DTNA: variants seen among roughly 807,000 people sequenced by gnomAD.
DTNA encodes dystrophin-related protein 3.
DTNA carries 43 observed loss-of-function variants against 100.7 expected under a neutral mutation model. The ratio of observed to expected loss-of-function variants is 0.43; its 90% CI spans 0.33 to 0.55. The LOEUF is 0.55. DTNA is among the 20% of genes least tolerant of loss of function. DTNA has a pLI of 0.04. For missense variants in DTNA, 798 were observed against 953.9 expected (o/e 0.84, Z 2.15); for synonymous variants, 349 against 347.9 (o/e 1.00, Z -0.04).
At chr18:34,532,764 A>T (rs938662133) in intron 1 of DTNA, among the ~76,000 whole-genome samples, 1 of 51,536 alleles carries the variant, frequency 1.9e-5, no homozygotes, top group Admixed American at 2.7e-4. Context: ...ACATATATAT[A>T]TATATATGTG....
chr18:34,890,332 C>A lies in DTNA; in HGVS notation c.*2598C>A. 2 of 1,536,086 alleles carry A rather than the reference C, an allele frequency of 1.3e-6. No homozygotes were observed. Among genetic ancestry groups the A allele is most frequent in the Non-Finnish European group, 1.7e-6 (2 of 1,146,902 alleles). ...TCAGCACTGAGACCAGACTCGAGCA[C>A]CCCTGTCCTGTAAGCGAGACAAAAT... On this transcript the variant is annotated 3_prime_UTR_variant, in exon 23 of 23. Transcript: ENST00000444659.
At chr18:34,592,137 C>T (rs1473423899) in intron 1 of DTNA, among the ~76,000 whole-genome samples, 1 of 152,142 alleles carries the variant, frequency 6.6e-6, no homozygotes, top group African/African-American at 2.4e-5. Flanking sequence ...TTGGCAGCCA[C>T]AGCTAGCTGA....
In DTNA at chr18:34,540,093, A is replaced by T. The variant is rs917469471; in HGVS notation, c.-2+46579A>T. ...CAGATATTAATATTAAATCTCTTTAAGCTTTTTATTTAATAAATCACCTTC... is the reference window on the plus strand; with the variant it reads ...CAGATATTAATATTAAATCTCTTTATGCTTTTTATTTAATAAATCACCTTC... On this transcript the variant is annotated intron_variant, in intron 1 of 19. Transcript: ENST00000283365. Among the ~76,000 whole-genome samples, 9 of 151,970 alleles carry T rather than the reference A, an allele frequency of 5.9e-5. No individual in the cohort carries two copies. The East Asian group carries it at 1.5e-3, about 26-fold the overall frequency.
chr18:34,758,308 G>T (rs8092339), intron 2 of DTNA, among the ~76,000 whole-genome samples: 4,970 of 152,124 alleles, frequency 0.033, 273 homozygotes, highest in African/African-American at 0.11. Flanking sequence ...AATATTTAAA[G>T]AAAAAACAAC....
intron 13 of DTNA, among the ~76,000 whole-genome samples, chr18:34,840,392 A>C (rs1327297714): frequency 1.3e-5 from 2 of 152,072 alleles, no homozygotes; most frequent in East Asian, 3.9e-4. Context: ...TTTTTTTTTA[A>C]TTGTATTGGT....
At chr18:34,719,006 AG>A (rs2084674329) in intron 1 of DTNA, among the ~76,000 whole-genome samples, 1 of 151,938 alleles carries the variant, frequency 6.6e-6, no homozygotes, top group Non-Finnish European at 1.5e-5. Flanking sequence ...TTTGGAGAAC[AG>A]TCATAGAACA....
chr18:34,735,323 G>C (rs1288429708), intron 1 of DTNA, among the ~76,000 whole-genome samples: 1 of 152,102 alleles, frequency 6.6e-6, no homozygotes, highest in Non-Finnish European at 1.5e-5. Flanking sequence ...TGACTCAAAC[G>C]TTATTTTGGC....
intron 1 of DTNA, among the ~76,000 whole-genome samples, chr18:34,694,718 T>C (rs1366284451): frequency 6.6e-6 from 1 of 152,144 alleles, no homozygotes; most frequent in African/African-American, 2.4e-5. Flanking sequence ...ATATCATGTC[T>C]CCCTAATGTA....
At chr18:34,565,478 A>C (rs565028450) in intron 1 of DTNA, among the ~76,000 whole-genome samples, 1 of 152,336 alleles carries the variant, frequency 6.6e-6, no homozygotes, top group South Asian at 2.1e-4. Flanking sequence ...TTGAAAAAAC[A>C]GACATTTATT....
Position 34,784,965 on chromosome 18 carries a change from G to T in DTNA, c.149-9072G>T, listed in dbSNP as rs113562736. On this transcript the variant is annotated intron_variant, in intron 3 of 22. Transcript: ENST00000444659. The stretch of plus-strand genomic sequence containing the variant: ...TTTTTTTTTTTTGAGATGGAGTCTT[G>T]CTCTGTCGCCCAGGCTGGAGTGCAG... 1.2e-4 allele frequency among the ~76,000 whole-genome samples: 17 copies of T among 145,708 alleles called. 2 individuals are homozygous for T. In the South Asian group the frequency reaches 3.7e-3, roughly 32 times the overall value.
chr18:34,883,084 G>A (rs1182978509), intron 21 of DTNA, among the ~76,000 whole-genome samples: 1 of 152,140 alleles, frequency 6.6e-6, no homozygotes, highest in Non-Finnish European at 1.5e-5. Context: ...TGTAACCAGC[G>A]ACTCATCCTA....
rs866237127 is a variant in DTNA, at chr18:34,860,232, T to A, written c.1646+1834T>A. Among the ~76,000 whole-genome samples the A allele has an allele frequency of 1.3e-4, 18 of 136,502 alleles. 2 individuals are homozygous for A. The highest frequency in any genetic ancestry group is 3.6e-3 in the Middle Eastern group (1 of 274). 89.6% of individuals were successfully genotyped at this position (136,502 alleles called of 152,430 possible). ...CGGCTAATTTTTTGTTTTTTTTTTT[T>A]TTTTTTTTTTTTTTTTTGGAGAGAC... On this transcript the variant is annotated intron_variant, in intron 16 of 22. Coordinates refer to ENST00000444659, the MANE Select transcript of DTNA (RefSeq NM_001386795.1).
intron 1 of DTNA, among the ~76,000 whole-genome samples, chr18:34,555,060 A>C (rs1419152409): frequency 5.5e-5 from 7 of 127,154 alleles, no homozygotes; most frequent in Admixed American, 5.4e-4. Context: ...AGCTCCTGTT[A>C]TTGGTCTATT....
chr18:34,652,590 T>G (rs572221296), intron 1 of DTNA, among the ~76,000 whole-genome samples: 5 of 152,352 alleles, frequency 3.3e-5, no homozygotes, highest in Non-Finnish European at 7.3e-5. Flanking sequence ...GATGAAAATT[T>G]ATTAAGCACC....
At chr18:34,629,015 G>A (rs1267415267) in intron 1 of DTNA, among the ~76,000 whole-genome samples, 3 of 151,956 alleles carry the variant, frequency 2.0e-5, no homozygotes, top group African/African-American at 7.3e-5. Flanking sequence ...CTTCTTAGTA[G>A]CATAAATAAT....
chr18:34,648,176 A>G (rs1157749374), intron 1 of DTNA, among the ~76,000 whole-genome samples: 3 of 152,164 alleles, frequency 2.0e-5, no homozygotes, highest in Admixed American at 6.5e-5. Context: ...AAGACCCCAG[A>G]GGGTCTGAGT....
At chr18:34,561,672 T>A (rs568259055) in intron 1 of DTNA, among the ~76,000 whole-genome samples, 7 of 152,254 alleles carry the variant, frequency 4.6e-5, no homozygotes, top group South Asian at 4.1e-4. Context: ...AATCAGTGAT[T>A]GAACAGTATA....
At chr18:34,537,526 A>T (rs1220895257) in intron 1 of DTNA, among the ~76,000 whole-genome samples, 1 of 152,044 alleles carries the variant, frequency 6.6e-6, no homozygotes, top group Non-Finnish European at 1.5e-5. Context: ...AAGCAAAAAA[A>T]AAAGCACATT....
intron 13 of DTNA, among the ~76,000 whole-genome samples, chr18:34,844,221 G>A (rs1412528694): frequency 2.0e-5 from 3 of 152,036 alleles, no homozygotes; most frequent in African/African-American, 7.2e-5. Context: ...GGAGTTTAAA[G>A]GTCTCCTTTA....
Sources: gnomAD v4.1 joint callset for allele counts (sites outside exome capture counted in the v4.1 genomes callset) on GRCh38, gnomAD v4.1.1 for gene constraint, MANE v1.5 for transcripts, NCBI Gene and HGNC (gene_info 2026-07-23, HGNC 2026-07-21) for gene names.